CALN1: variants seen among roughly 807,000 people sequenced by gnomAD.
CALN1 encodes calcium-binding protein 8.
CALN1 carries 17 observed loss-of-function variants against 30.6 expected under a neutral mutation model. The observed-to-expected ratio is 0.56, with a 90% CI of 0.38 to 0.83. The LOEUF is 0.83. CALN1 is among the 40% of genes least tolerant of loss of function. CALN1 has a pLI of 0.00. For synonymous variants in CALN1, 156 were observed against 131.4 expected, an observed-to-expected ratio of 1.19 and a Z score of -1.28; for missense variants, 291 against 354.9, an observed-to-expected ratio of 0.82 and a Z score of 1.45.
chr7:72,463,113 TTTTA>T, the CALN1 span, among the ~76,000 whole-genome samples: 18,943 of 151,874 alleles, frequency 0.12, 2,372 homozygotes, highest in African/African-American at 0.32. Context: ...TGCTTTGCAT[TTTTA>T]TTTATTTATT....
At chr7:71,997,522 C>G (rs1202747519) in intron 5 of CALN1, among the ~76,000 whole-genome samples, 1 of 152,032 alleles carries the variant, frequency 6.6e-6, no homozygotes, top group Non-Finnish European at 1.5e-5. Context: ...GAAGGAATAG[C>G]CAAAAATCTC....
At chr7:72,200,298 G>A (rs954909322) in intron 3 of CALN1, among the ~76,000 whole-genome samples, 1 of 152,098 alleles carries the variant, frequency 6.6e-6, no homozygotes, top group African/African-American at 2.4e-5. Flanking sequence ...GCTGTGCAAC[G>A]ATGGGCAAAT....
intron 2 of CALN1, among the ~76,000 whole-genome samples, chr7:72,389,560 A>T (rs773533627): frequency 4.6e-5 from 7 of 152,160 alleles, no homozygotes; most frequent in Non-Finnish European, 7.4e-5. Context: ...TCTCCTTAAG[A>T]AGTCAAATGA....
At position 72,313,034 on chromosome 7, in the gene CALN1, C is replaced by T. The variant is rs547782611; in HGVS notation, c.120-34224G>A. ...GTTTTTAGTAGAGACAGGGTTTCAC[C>T]ATGTTGGCCAGGCTGGTCTCGAACT... On this transcript the variant is annotated intron_variant, in intron 2 of 6. Transcript: ENST00000395275. Among the ~76,000 whole-genome samples the T allele has an allele frequency of 2.0e-5, 3 of 152,230 alleles. No homozygotes were observed. In the South Asian group the frequency reaches 6.2e-4, roughly 32 times the overall value.
intron 5 of CALN1, among the ~76,000 whole-genome samples, chr7:71,811,512 T>C (rs561878287): frequency 1.9e-4 from 29 of 152,092 alleles, no homozygotes; most frequent in Middle Eastern, 3.4e-3. Context: ...TGGCCATGAA[T>C]CTTGTTCTAA....
At chr7:71,919,208 A>C (rs756268387) in intron 5 of CALN1, among the ~76,000 whole-genome samples, 7 of 152,204 alleles carry the variant, frequency 4.6e-5, no homozygotes, top group Non-Finnish European at 7.3e-5. Flanking sequence ...ATCATCTTTA[A>C]ATGCCATTTT....
chr7:72,381,294 G>A (rs1375020494), intron 2 of CALN1, among the ~76,000 whole-genome samples: 5 of 152,068 alleles, frequency 3.3e-5, no homozygotes, highest in Non-Finnish European at 7.4e-5. Flanking sequence ...CTCAAGGATC[G>A]AGAACCAGAA....
intron 5 of CALN1, among the ~76,000 whole-genome samples, chr7:71,991,193 T>G (rs1798932865): frequency 6.6e-6 from 1 of 152,176 alleles, no homozygotes; most frequent in African/African-American, 2.4e-5. Context: ...GCAAGTTGGC[T>G]CACACCTGTA....
At chr7:72,437,075 A>G (rs1808183999) in intron 1 of CALN1, among the ~76,000 whole-genome samples, 1 of 98,126 alleles carries the variant, frequency 1.0e-5, no homozygotes, top group Non-Finnish European at 2.5e-5. Context: ...CCCTGTCTCA[A>G]AAAAAAAAAA....
chr7:72,380,419 T>A (rs1476311445), intron 2 of CALN1, among the ~76,000 whole-genome samples: 2 of 152,116 alleles, frequency 1.3e-5, no homozygotes, highest in Non-Finnish European at 2.9e-5. Flanking sequence ...AGCCAGGAGT[T>A]CCAGGCCTGC....
At chr7:72,344,479 T>C (rs1183457817) in intron 2 of CALN1, among the ~76,000 whole-genome samples, 1 of 151,054 alleles carries the variant, frequency 6.6e-6, no homozygotes, top group Non-Finnish European at 1.5e-5. Flanking sequence ...GGGATCCGTG[T>C]ACACATATGT....
intron 1 of CALN1, 75 bp from the exon 2 acceptor site, chr7:72,403,517 T>C: frequency 1.8e-6 from 1 of 566,260 alleles, no homozygotes. Context: ...GCCGCCTAAA[T>C]AATTCACACC....
At chr7:72,124,960 C>T (rs1009602050) in intron 3 of CALN1, among the ~76,000 whole-genome samples, 1 of 151,986 alleles carries the variant, frequency 6.6e-6, no homozygotes, top group Non-Finnish European at 1.5e-5. Flanking sequence ...TTTTAACTCA[C>T]AGTATTTTTT....
chr7:71,971,953 A>AAAAGAAAGAAAGAAAGAAAGAAAG lies in CALN1; in HGVS notation c.501+51680_501+51703dup, dbSNP rs61083921. 7.7e-4 allele frequency among the ~76,000 whole-genome samples: 56 copies of AAAAGAAAGAAAGAAAGAAAGAAAG among 72,800 alleles called. No homozygotes were observed. In the East Asian group the frequency reaches 9.2e-3, roughly 12 times the overall value. 47.8% of individuals were successfully genotyped at this position (72,800 alleles called of 152,430 possible). A position where few individuals can be genotyped will look rare whatever the true frequency, so the allele number is the denominator to read the frequency against. On this transcript the variant is annotated intron_variant, in intron 5 of 6. Transcript: ENST00000395275. Reference sequence around the variant, plus strand: ...CTCAAAAAAAAAAAAAAAAAAAAAAAAAAGAAAGAAAGAAAGAAAGAAAGA... The same window carrying AAAAGAAAGAAAGAAAGAAAGAAAG: ...CTCAAAAAAAAAAAAAAAAAAAAAAAAAAGAAAGAAAGAAAGAAAGAAAGAAAGAAAGAAAGAAAGAAAGAAAGA...
At chr7:72,322,892 C>T (rs964232700) in intron 2 of CALN1, among the ~76,000 whole-genome samples, 11 of 151,606 alleles carry the variant, frequency 7.3e-5, no homozygotes, top group African/African-American at 2.4e-4. Flanking sequence ...ACACTGCATG[C>T]CTGTATCAAA....
intron 3 of CALN1, among the ~76,000 whole-genome samples, chr7:72,193,552 A>G (rs1374446547): frequency 1.3e-5 from 2 of 152,144 alleles, no homozygotes; most frequent in Non-Finnish European, 2.9e-5. Context: ...TAGTCTACTT[A>G]CAGAAACCTA....
At chr7:72,359,990 A>AAAAAAAAAAAAAAAAAAAAAAC (rs1365927582) in intron 2 of CALN1, among the ~76,000 whole-genome samples, 8 of 148,176 alleles carry the variant, frequency 5.4e-5, no homozygotes, top group African/African-American at 7.5e-5. Context: ...AAAAAAAAAA[A>AAAAAAAAAAAAAAAAAAAAAAC]ACCAAAGTTG....
intron 2 of CALN1, among the ~76,000 whole-genome samples, chr7:72,311,651 A>ATTTTTTTT (rs56197069): frequency 1.2e-4 from 6 of 48,530 alleles, no homozygotes; most frequent in African/African-American, 4.8e-4. Context: ...CCTGGCTGAG[A>ATTTTTTTT]TTTTTTTTTT....
At position 71,781,726 on chromosome 7, in the gene CALN1, A is replaced by G. The variant is rs1792725608; in HGVS notation, c.*6049T>C. ...ACAATAACTTCTAACAGTGCGAGAA[A>G]CACTAGTTTGAAAGCCAACCCATCA... On this transcript the variant is annotated 3_prime_UTR_variant, in exon 7 of 7. Coordinates refer to ENST00000395275, the MANE Select transcript of CALN1 (RefSeq NM_031468.4). 6.6e-6 allele frequency: 1 copy of G among 152,160 alleles called. No individual in the cohort carries two copies. The highest frequency in any genetic ancestry group is 6.5e-5 in the Admixed American group (1 of 15,268). The allele number at this position is 152,160 out of a possible 1,614,324, so 9.4% of individuals were successfully genotyped here.
Sources: allele counts gnomAD v4.1 joint callset (sites outside exome capture counted in the v4.1 genomes callset), GRCh38; gene constraint gnomAD v4.1.1; transcripts MANE v1.5; gene names NCBI Gene and HGNC (gene_info 2026-07-23, HGNC 2026-07-21).